The following HBS1L variants were observed in gnomAD, a reference collection of about 807,000 sequenced individuals.
The protein encoded by HBS1L is HBS1 like translational GTPase.
HBS1L carries 55 observed loss-of-function variants against 88.9 expected under a neutral mutation model. The ratio of observed to expected loss-of-function variants is 0.62; its 90% confidence interval spans 0.50 to 0.77. The LOEUF is 0.77. Among genes scored for constraint, HBS1L ranks in the 30% least tolerant of loss-of-function variants. The pLI, the probability that HBS1L is intolerant of heterozygous loss-of-function variation, is 0.00. For missense variants in HBS1L, 741 were observed against 829.3 expected (o/e 0.89, Z 1.31); for synonymous variants, 267 against 288.5 (o/e 0.93, Z 0.76).
chr6:135,040,298 C>T (rs1776690329), intron 3 of HBS1L, among the ~76,000 whole-genome samples: 3 of 150,294 alleles, frequency 2.0e-5, no homozygotes, highest in South Asian at 4.2e-4. Flanking sequence ...TATAAAAATG[C>T]CATAAAAATA....
chr6:134,973,128 T>A (rs910250327), intron 15 of HBS1L, among the ~76,000 whole-genome samples: 1 of 152,232 alleles, frequency 6.6e-6, no homozygotes, highest in Non-Finnish European at 1.5e-5. Flanking sequence ...GGAATCTCAA[T>A]AGATACTTGT....
At chr6:134,976,982 C>A (rs559534525) in intron 15 of HBS1L, among the ~76,000 whole-genome samples, 2 of 151,884 alleles carry the variant, frequency 1.3e-5, no homozygotes, top group Non-Finnish European at 2.9e-5. Context: ...GTTTCCCATA[C>A]AAAATAGGGA....
chr6:135,016,027 C>T (rs1775912103), intron 4 of HBS1L, among the ~76,000 whole-genome samples: 1 of 151,806 alleles, frequency 6.6e-6, no homozygotes, highest in Non-Finnish European at 1.5e-5. Flanking sequence ...CTAGGAATTA[C>T]AAGTGCCTGC....
intron 4 of HBS1L, among the ~76,000 whole-genome samples, chr6:135,024,061 T>C (rs1395614101): frequency 6.6e-6 from 1 of 152,200 alleles, no homozygotes; most frequent in Non-Finnish European, 1.5e-5. Flanking sequence ...TAATAATATC[T>C]ACTCTGTTGA....
In HBS1L at chr6:134,965,059, A is replaced by G. The variant is rs1774270768; in HGVS notation, c.*220T>C. The G allele has an allele frequency of 1.1e-5, 6 of 562,618 alleles. No individual in the cohort carries two copies. Among genetic ancestry groups the G allele is most frequent in the South Asian group, 4.4e-5 (2 of 45,596 alleles). The allele number at this position is 562,618 out of a possible 1,614,324, so 34.9% of individuals were successfully genotyped here. ...TCCATTTATTAACGTTTCAAAGGCA[A>G]AGTTGTTTTTAACATTAGACTTTCT... On this transcript the variant is annotated 3_prime_UTR_variant, in exon 18 of 18. Coordinates refer to ENST00000367837, the MANE Select transcript of HBS1L (RefSeq NM_006620.4).
chr6:135,008,586 T>C (rs1201312023), intron 4 of HBS1L, among the ~76,000 whole-genome samples: 1 of 152,206 alleles, frequency 6.6e-6, no homozygotes, highest in Non-Finnish European at 1.5e-5. Context: ...AGATTCTAGG[T>C]TTTCTCTTGA....
At chr6:134,996,482 C>T (rs1383573863) in intron 7 of HBS1L, among the ~76,000 whole-genome samples, 2 of 152,134 alleles carry the variant, frequency 1.3e-5, no homozygotes, top group Non-Finnish European at 2.9e-5. Context: ...GAAGTGACAA[C>T]TGAAACTTAT....
At position 134,960,512 on chromosome 6, in the gene HBS1L, A is replaced by AT. The variant is rs1337618478; in HGVS notation, c.*4766dup. On this transcript the variant is annotated 3_prime_UTR_variant, in exon 18 of 18. Transcript: ENST00000367837. ...TAATTTCTAATAAATTTCATTATGC[A>AT]TTTTTATGTCATTTGGTACAGTTTT... 1 of 152,016 alleles carries AT rather than the reference A, an allele frequency of 6.6e-6. No homozygotes were observed. Among genetic ancestry groups the AT allele is most frequent in the Non-Finnish European group, 1.5e-5 (1 of 67,950 alleles). The allele number at this position is 152,016 out of a possible 1,614,324, so 9.4% of individuals were successfully genotyped here.
chr6:135,053,555 G>A (rs1777152032), intron 1 of HBS1L, among the ~76,000 whole-genome samples: 1 of 152,068 alleles, frequency 6.6e-6, no homozygotes, highest in African/African-American at 2.4e-5. Context: ...TATTTAAAAG[G>A]GCCTCCATTC....
At chr6:134,997,747 T>A in intron 5 of HBS1L, 91 bp from the exon 6 acceptor site, 2 of 1,168,226 alleles carry the variant, frequency 1.7e-6, no homozygotes, top group Non-Finnish European at 2.5e-6. Flanking sequence ...TTCTTCATAA[T>A]CCTTTATGCT....
At chr6:134,979,859 G>C (rs1391561433) in intron 13 of HBS1L, among the ~76,000 whole-genome samples, 4 of 151,964 alleles carry the variant, frequency 2.6e-5, no homozygotes, top group Non-Finnish European at 5.9e-5. Context: ...CTAATGACTA[G>C]TTATATGAAA....
At position 134,962,432 on chromosome 6, in the gene HBS1L, T is replaced by C. The variant is rs1774208744; in HGVS notation, c.*2847A>G. The C allele has an allele frequency of 6.6e-6, 1 of 152,240 alleles. No individual in the cohort carries two copies. Among genetic ancestry groups the C allele is most frequent in the South Asian group, 2.1e-4 (1 of 4,832 alleles). The allele number at this position is 152,240 out of a possible 1,614,324, so 9.4% of individuals were successfully genotyped here. ...TAATTTTATTCTTCCCTATATTTTCTGTATTTTCCAAATTTTCTGAAGTCA... is the reference window on the plus strand; with the variant it reads ...TAATTTTATTCTTCCCTATATTTTCCGTATTTTCCAAATTTTCTGAAGTCA... On this transcript the variant is annotated 3_prime_UTR_variant, in exon 18 of 18. Transcript: ENST00000367837.
rs75107014 is a variant in HBS1L at position 134,995,976 on chromosome 6, T to C, written c.965+801A>G. Among the ~76,000 whole-genome samples, 1,019 of 152,262 alleles carry C rather than the reference T, an allele frequency of 6.7e-3. 10 individuals carry two copies. The highest frequency in any genetic ancestry group is 0.02 in the African/African-American group (843 of 41,572). ...CAAGAAAATACACATTAAAAAGGCA[T>C]GAAAATCCAGATATATTCTCCAATA... On this transcript the variant is annotated intron_variant, in intron 7 of 17. Coordinates refer to ENST00000367837, the MANE Select transcript of HBS1L (RefSeq NM_006620.4).
At chr6:134,976,382 G>T (rs4273704) in intron 15 of HBS1L, among the ~76,000 whole-genome samples, 70,662 of 151,982 alleles carry the variant, frequency 0.46, 16,805 homozygotes, top group South Asian at 0.56. Context: ...AGATCTACCA[G>T]TTGATCCAGC....
At chr6:134,987,121 A>T (rs1046860801) in intron 9 of HBS1L, among the ~76,000 whole-genome samples, 19 of 152,222 alleles carry the variant, frequency 1.2e-4, no homozygotes, top group South Asian at 2.1e-4. Context: ...TGTTTAATAA[A>T]TTACATCTTT....
chr6:134,974,432 C>T (rs1774583815), intron 15 of HBS1L, among the ~76,000 whole-genome samples: 1 of 152,036 alleles, frequency 6.6e-6, no homozygotes, highest in African/African-American at 2.4e-5. Flanking sequence ...ACCCTGATAA[C>T]AAAACCAGGA....
intron 4 of HBS1L, among the ~76,000 whole-genome samples, chr6:135,022,129 T>C (rs986721465): frequency 1.3e-5 from 2 of 152,166 alleles, no homozygotes; most frequent in Non-Finnish European, 2.9e-5. Flanking sequence ...AAAAGGAACA[T>C]GCAATAAATG....
At position 134,979,160 on chromosome 6, in the gene HBS1L, A is replaced by T. The variant is rs767344285; in HGVS notation, c.1688+18T>A. 62 of 1,584,386 alleles carry T rather than the reference A, an allele frequency of 3.9e-5. No homozygotes were observed. Among genetic ancestry groups the T allele is most frequent in the Non-Finnish European group, 5.1e-5 (59 of 1,153,926 alleles). ...CTATATGAAGACAACGGTTGCTTAA[A>T]CTCATTTTCTCACTCACTTGATTTT... is the stretch of plus-strand genomic sequence containing the variant. On this transcript the variant is annotated intron_variant, in intron 14 of 17. Coordinates refer to ENST00000367837, the MANE Select transcript of HBS1L (RefSeq NM_006620.4).
intron 12 of HBS1L, 133 bp downstream of exon 12, chr6:134,985,208 T>C: frequency 2.0e-6 from 1 of 501,688 alleles, no homozygotes; most frequent in Non-Finnish European, 3.6e-6. Context: ...AATCTGACAG[T>C]GATCCTTACT....
Sources: gnomAD v4.1 joint callset for allele counts (sites outside exome capture counted in the v4.1 genomes callset) on GRCh38, gnomAD v4.1.1 for gene constraint, MANE v1.5 for transcripts, NCBI Gene and HGNC (gene_info 2026-07-23, HGNC 2026-07-21) for gene names.